The following PRKCI variants were observed in gnomAD, a reference collection of about 807,000 sequenced individuals.
The protein encoded by PRKCI is protein kinase C iota type.
In PRKCI, 43 loss-of-function variants were observed where a neutral mutation model predicts 84.0. The observed-to-expected ratio is 0.51, with a 90% CI of 0.40 to 0.66. The LOEUF (loss-of-function observed/expected upper bound fraction) is 0.66, where lower values mean the gene tolerates loss of function less well. Among genes scored for constraint, PRKCI ranks in the 30% least tolerant of loss-of-function variants. The pLI is 0.00. For synonymous variants in PRKCI, 216 were observed against 234.4 expected (o/e 0.92, Z 0.72); for missense variants, 459 against 745.6 (o/e 0.62, Z 4.48).
intron 2 of PRKCI, among the ~76,000 whole-genome samples, chr3:170,257,912 C>T (rs1733629048): frequency 1.3e-5 from 2 of 152,028 alleles, no homozygotes; most frequent in Admixed American, 6.6e-5. Context: ...GATCCACCCA[C>T]CTTGGCCTCC....
intron 6 of PRKCI, among the ~76,000 whole-genome samples, chr3:170,273,053 A>G (rs560309666): frequency 6.6e-6 from 1 of 152,336 alleles, no homozygotes; most frequent in African/African-American, 2.4e-5. Context: ...TATGATTTCT[A>G]ATTGGTGGTC....
chr3:170,275,943 T>C (rs1308515654), intron 8 of PRKCI, among the ~76,000 whole-genome samples: 1 of 151,282 alleles, frequency 6.6e-6, no homozygotes, highest in Non-Finnish European at 1.5e-5. Flanking sequence ...TCTTTTTTTT[T>C]TTTTTTTTGA....
rs1413145156 is a variant in PRKCI at position 170,267,802 on chromosome 3, AG to A, written c.365-112del. On this transcript the variant is annotated intron_variant, in intron 4 of 17. Transcript: ENST00000295797. ...ATTTTTTGACGTTCAGGTTTTTATC[AG>A]TATTTTTTTTTCTTGCAGTGAGTAT... 1.2e-5 allele frequency: 8 copies of A among 641,258 alleles called. No homozygotes were observed. In the African/African-American group the frequency reaches 1.5e-4, roughly 12 times the overall value. The allele number at this position is 641,258 out of a possible 1,614,324, so 39.7% of individuals were successfully genotyped here. A position where few individuals can be genotyped will look rare whatever the true frequency, so the allele number is the denominator to read the frequency against.
chr3:170,268,913 T>G (rs113661995), intron 5 of PRKCI, among the ~76,000 whole-genome samples: 1 of 130,092 alleles, frequency 7.7e-6, no homozygotes, highest in African/African-American at 4.1e-5. Flanking sequence ...TTATTATTTA[T>G]TTATTTTTTT....
At chr3:170,262,579 C>G (rs1733753530) in intron 3 of PRKCI, among the ~76,000 whole-genome samples, 1 of 152,166 alleles carries the variant, frequency 6.6e-6, no homozygotes, top group Non-Finnish European at 1.5e-5. Context: ...CTCCCAGGTT[C>G]AAGTGATTCC....
chr3:170,229,548 C>T (rs1198073694), intron 1 of PRKCI, among the ~76,000 whole-genome samples: 4 of 152,160 alleles, frequency 2.6e-5, no homozygotes, highest in East Asian at 1.9e-4. Flanking sequence ...TCTCCTGCCT[C>T]GGCCTCTCAA....
intron 1 of PRKCI, among the ~76,000 whole-genome samples, chr3:170,230,165 C>CTTTTTTT (rs545430768): frequency 6.7e-5 from 9 of 134,886 alleles, no homozygotes; most frequent in East Asian, 2.1e-4. Context: ...TATTATGCAA[C>CTTTTTTT]TTTTTTTTTT....
At chr3:170,283,340 A>C (rs149649566) in intron 11 of PRKCI, among the ~76,000 whole-genome samples, 2 of 152,204 alleles carry the variant, frequency 1.3e-5, no homozygotes, top group African/African-American at 4.8e-5. Context: ...GTGAGTTTGT[A>C]TATGTATGTT....
At position 170,299,069 on chromosome 3, in the gene PRKCI, T is replaced by G; in HGVS notation, c.1662T>G (p.Ser554=). 6.2e-7 allele frequency: 1 copy of G among 1,612,862 alleles called. No homozygotes were observed. Among genetic ancestry groups the G allele is most frequent in the East Asian group, 2.2e-5 (1 of 44,844 alleles). The change falls in exon 17 of 18, where the codon TCT becomes TCG. Residue 554 remains serine, a synonymous_variant. Coordinates refer to ENST00000295797, the MANE Select transcript of PRKCI (RefSeq NM_002740.6). Reference sequence around the variant, plus strand: ...AATTTGGTTTGGACAACTTTGATTCTCAGTTTACTAATGAACCTGTCCAGC... The same window carrying G: ...AATTTGGTTTGGACAACTTTGATTCGCAGTTTACTAATGAACCTGTCCAGC... ...SGEFGLDNFD[S]QFTNEPVQLT... is the part of the protein sequence containing the mutation.
At chr3:170,291,244 AT>A (rs1734543167) in intron 12 of PRKCI, among the ~76,000 whole-genome samples, 1 of 152,204 alleles carries the variant, frequency 6.6e-6, no homozygotes, top group Non-Finnish European at 1.5e-5. Context: ...TCTTCATGAA[AT>A]ATGCCTTATT....
rs767414057 is a variant in PRKCI, at chr3:170,304,965, C to T, written c.*1838C>T. 1.3e-5 allele frequency: 2 copies of T among 152,194 alleles called. No homozygotes were observed. Among genetic ancestry groups the T allele is most frequent in the African/African-American group, 4.8e-5 (2 of 41,538 alleles). The allele number at this position is 152,194 out of a possible 1,614,324, so 9.4% of individuals were successfully genotyped here. A position where few individuals can be genotyped will look rare whatever the true frequency, so the allele number is the denominator to read the frequency against. The stretch of plus-strand genomic sequence containing the variant: ...TTTTTCCAAAGTTTCTAGCTATATA[C>T]TCTCTTTCCTTCAAATAACATAAGT... On this transcript the variant is annotated 3_prime_UTR_variant, in exon 18 of 18. Transcript: ENST00000295797.
At chr3:170,271,412 AAAAC>A (rs1267162747) in intron 6 of PRKCI, among the ~76,000 whole-genome samples, 1 of 152,222 alleles carries the variant, frequency 6.6e-6, no homozygotes, top group Non-Finnish European at 1.5e-5. Flanking sequence ...ACCTAACTAA[AAAAC>A]AAATTCTTTA....
At chr3:170,258,967 A>T (rs907192515) in intron 2 of PRKCI, among the ~76,000 whole-genome samples, 30 of 152,156 alleles carry the variant, frequency 2.0e-4, no homozygotes, top group African/African-American at 7.2e-4. Context: ...CATTAGACAC[A>T]TAGCAGTGAC....
chr3:170,297,418 T>C, intron 16 of PRKCI, 25 bp downstream of exon 16: 3 of 1,560,102 alleles, frequency 1.9e-6, no homozygotes, highest in Non-Finnish European at 2.6e-6. Context: ...ATTACTCAAC[T>C]ATTAGGTTTC....
At chr3:170,278,596 C>T (rs761224876) in intron 8 of PRKCI, among the ~76,000 whole-genome samples, 5 of 152,196 alleles carry the variant, frequency 3.3e-5, no homozygotes, top group Non-Finnish European at 7.3e-5. Context: ...TTCATGGCTG[C>T]AGTGAGCTAT....
chr3:170,297,392 T>C lies in PRKCI; in HGVS notation c.1586T>C (p.Met529Thr). ...TTCTTCCGAAATGTTGATTGGGATA[T>C]GGTATGTAAATTTTGATTACTCAAC... is the stretch of plus-strand genomic sequence containing the variant. Reference protein sequence around the residue: ...HPFFRNVDWDMMEQKQVVPPF... With the variant: ...HPFFRNVDWDTMEQKQVVPPF... The change falls in exon 16 of 18, where the codon ATG becomes ACG. Residue 529 changes from methionine (M) to threonine (T), a missense_variant and splice_region_variant. Coordinates refer to ENST00000295797, the MANE Select transcript of PRKCI (RefSeq NM_002740.6). 6.2e-7 allele frequency: 1 copy of C among 1,607,336 alleles called. No individual in the cohort carries two copies. The highest frequency in any genetic ancestry group is 8.5e-7 in the Non-Finnish European group (1 of 1,174,774).
chr3:170,258,408 C>T (rs1160154694), intron 2 of PRKCI, among the ~76,000 whole-genome samples: 1 of 151,850 alleles, frequency 6.6e-6, no homozygotes, highest in Non-Finnish European at 1.5e-5. Flanking sequence ...TAGGTTCAAG[C>T]GATTCTTCTG....
At chr3:170,279,023 A>AATT (rs902717900) in intron 8 of PRKCI, among the ~76,000 whole-genome samples, 2 of 152,050 alleles carry the variant, frequency 1.3e-5, no homozygotes, top group Non-Finnish European at 2.9e-5. Context: ...TACCAAATCA[A>AATT]ATTATTATTA....
chr3:170,259,127 A>C (rs1233343142), intron 2 of PRKCI, among the ~76,000 whole-genome samples: 1 of 152,020 alleles, frequency 6.6e-6, no homozygotes, highest in Admixed American at 6.6e-5. Context: ...CTGGGCAACA[A>C]GAGCCAAACT....
Sources: allele counts gnomAD v4.1 joint callset (sites outside exome capture counted in the v4.1 genomes callset), GRCh38; gene constraint gnomAD v4.1.1; transcripts MANE v1.5; gene names NCBI Gene and HGNC (gene_info 2026-07-23, HGNC 2026-07-21).